The following DTNA variants were observed in gnomAD, a reference collection of about 807,000 sequenced individuals.
DTNA encodes the protein dystrobrevin alpha, also known as dystrophin-related protein 3.
A neutral mutation model predicts 100.7 loss-of-function variants in DTNA; 43 were observed. The observed-to-expected ratio is 0.43, with a 90% confidence interval of 0.33 to 0.55. The LOEUF is 0.55. DTNA is among the 20% of genes least tolerant of loss of function. The pLI is 0.04. For synonymous variants in DTNA, 349 were observed against 347.9 expected, an observed-to-expected ratio of 1.00 and a Z score of -0.04; for missense variants, 798 against 953.9, an observed-to-expected ratio of 0.84 and a Z score of 2.15.
At chr18:34,518,827 A>G (rs2041910189) in intron 1 of DTNA, among the ~76,000 whole-genome samples, 1 of 151,794 alleles carries the variant, frequency 6.6e-6, no homozygotes, top group African/African-American at 2.4e-5. Flanking sequence ...CTCCTGGTAT[A>G]GTGGGGGAGG....
chr18:34,728,175 A>C (rs1160555196), intron 1 of DTNA, among the ~76,000 whole-genome samples: 1 of 152,212 alleles, frequency 6.6e-6, no homozygotes, highest in African/African-American at 2.4e-5. Context: ...CAAGAAGACT[A>C]TCAGCTGCAA....
chr18:34,630,079 A>C (rs1260597224), intron 1 of DTNA, among the ~76,000 whole-genome samples: 2 of 152,100 alleles, frequency 1.3e-5, no homozygotes, highest in Non-Finnish European at 2.9e-5. Flanking sequence ...TATGGTGTCC[A>C]CCTTCACTTC....
At chr18:34,505,031 A>G (rs1318460169) in intron 1 of DTNA, among the ~76,000 whole-genome samples, 2 of 152,206 alleles carry the variant, frequency 1.3e-5, no homozygotes, top group African/African-American at 4.8e-5. Context: ...AAATTACCAT[A>G]CAGTGCATGC....
At chr18:34,827,741 G>GA in intron 10 of DTNA, 65 bp downstream of exon 10, 1 of 1,508,498 alleles carries the variant, frequency 6.6e-7, no homozygotes, top group Non-Finnish European at 9.2e-7. Flanking sequence ...TCTGTGGTAA[G>GA]AAAAATATTC....
intron 4 of DTNA, among the ~76,000 whole-genome samples, chr18:34,798,546 T>C (rs2095081744): frequency 6.6e-6 from 1 of 152,230 alleles, no homozygotes; most frequent in Non-Finnish European, 1.5e-5. Flanking sequence ...CTTGACTCAA[T>C]CTCATTTCAA....
intron 1 of DTNA, among the ~76,000 whole-genome samples, chr18:34,610,732 C>A (rs1453804316): frequency 6.6e-6 from 1 of 152,096 alleles, no homozygotes; most frequent in African/African-American, 2.4e-5. Flanking sequence ...AGAACAAAAG[C>A]CTTCCTGTAA....
chr18:34,835,168 G>C (rs1244568377), intron 11 of DTNA, among the ~76,000 whole-genome samples: 1 of 152,190 alleles, frequency 6.6e-6, no homozygotes, highest in Non-Finnish European at 1.5e-5. Context: ...TTTGAGGCTA[G>C]CTCTAGAAAT....
chr18:34,858,623 G>A (rs1294882801), intron 16 of DTNA, among the ~76,000 whole-genome samples: 1 of 152,092 alleles, frequency 6.6e-6, no homozygotes, highest in East Asian at 1.9e-4. Flanking sequence ...TTCTGTTTTT[G>A]TTTTTGAGAC....
At chr18:34,642,716 G>A (rs1362222715) in intron 1 of DTNA, among the ~76,000 whole-genome samples, 1 of 151,804 alleles carries the variant, frequency 6.6e-6, no homozygotes, top group Non-Finnish European at 1.5e-5. Context: ...GCACCACCAC[G>A]CCCAGCTAAT....
chr18:34,624,373 A>G (rs1233082723), intron 1 of DTNA, among the ~76,000 whole-genome samples: 2 of 152,228 alleles, frequency 1.3e-5, no homozygotes, highest in Non-Finnish European at 2.9e-5. Flanking sequence ...AGTACCTACT[A>G]TGTTGAAATA....
chr18:34,648,642 T>A (rs1162154209), intron 1 of DTNA, among the ~76,000 whole-genome samples: 1 of 152,238 alleles, frequency 6.6e-6, no homozygotes, highest in Non-Finnish European at 1.5e-5. Flanking sequence ...CAGTTAGTGT[T>A]GCTTTATTCA....
At position 34,663,330 on chromosome 18, in the gene DTNA, T is replaced by C. The variant is rs540299809; in HGVS notation, c.-1-92646T>C. Among the ~76,000 whole-genome samples the C allele has an allele frequency of 2.0e-5, 3 of 152,134 alleles. No homozygotes were observed. The South Asian group carries it at 6.2e-4, about 32-fold the overall frequency. On this transcript the variant is annotated intron_variant, in intron 1 of 19. Coordinates refer to the DTNA transcript ENST00000283365. ...ATGCCACCACGCCTGGCTAATTTTT[T>C]CTTTTTTTGTAGAGACAAGGTCTTG...
intron 1 of DTNA, among the ~76,000 whole-genome samples, chr18:34,622,476 A>G (rs1490834851): frequency 6.6e-6 from 1 of 152,166 alleles, no homozygotes; most frequent in Non-Finnish European, 1.5e-5. Context: ...GGATTAAGGA[A>G]TACATGGAAA....
chr18:34,790,549 C>CTATATATATATATATATA (rs67141918), intron 3 of DTNA, among the ~76,000 whole-genome samples: 5 of 96,194 alleles, frequency 5.2e-5, no homozygotes, highest in African/African-American at 1.9e-4. Context: ...AAGCAGCATA[C>CTATATATATATATATATA]TATATATATA....
chr18:34,649,894 A>T (rs2060252726), intron 1 of DTNA, among the ~76,000 whole-genome samples: 1 of 152,186 alleles, frequency 6.6e-6, no homozygotes, highest in African/African-American at 2.4e-5. Flanking sequence ...GGAAACTTGT[A>T]AATTCACTTT....
At chr18:34,762,704 C>T (rs952788087) in intron 2 of DTNA, among the ~76,000 whole-genome samples, 4 of 152,162 alleles carry the variant, frequency 2.6e-5, no homozygotes, top group African/African-American at 7.2e-5. Context: ...TGATTGTGCA[C>T]GGTTGTGTGC....
intron 1 of DTNA, among the ~76,000 whole-genome samples, chr18:34,739,492 G>A (rs917851129): frequency 3.9e-5 from 6 of 152,148 alleles, no homozygotes; most frequent in Non-Finnish European, 7.3e-5. Flanking sequence ...CCAGACAGAT[G>A]TGCCACAGAG....
intron 2 of DTNA, among the ~76,000 whole-genome samples, chr18:34,758,614 A>T (rs2092937901): frequency 6.6e-6 from 1 of 152,226 alleles, no homozygotes; most frequent in South Asian, 2.1e-4. Context: ...GATAGAGGTG[A>T]TAAGTCCTTC....
chr18:34,585,361 A>G (rs1342737005), intron 1 of DTNA, among the ~76,000 whole-genome samples: 4 of 152,240 alleles, frequency 2.6e-5, no homozygotes, highest in Non-Finnish European at 5.9e-5. Context: ...AAAAATTAAG[A>G]AAACAAAAAT....
Sources: gnomAD v4.1 joint callset for allele counts (sites outside exome capture counted in the v4.1 genomes callset) on GRCh38, gnomAD v4.1.1 for gene constraint, MANE v1.5 for transcripts, NCBI Gene and HGNC (gene_info 2026-07-23, HGNC 2026-07-21) for gene names.